CCDC138: variants seen among roughly 807,000 people sequenced by gnomAD.
CCDC138 encodes coiled-coil domain containing 138, also known as coiled-coil domain-containing protein 138.
A neutral mutation model predicts 82.3 loss-of-function variants in CCDC138; 66 were observed. That is an observed-to-expected ratio of 0.80 (90% CI 0.66 to 0.98). The LOEUF (loss-of-function observed/expected upper bound fraction) is 0.98. Ranked by LOEUF, CCDC138 falls within the 50% of genes least tolerant of loss-of-function variation. The pLI, the probability that CCDC138 is intolerant of heterozygous loss-of-function variation, is 0.00. For synonymous variants in CCDC138, 297 were observed against 265.4 expected (o/e 1.12, Z -1.16); for missense variants, 816 against 758.9 (o/e 1.08, Z -0.88).
chr2:108,875,337 G>C (rs73952537), intron 14 of CCDC138, among the ~76,000 whole-genome samples: 92,934 of 132,792 alleles, frequency 0.7, 33,498 homozygotes, highest in Non-Finnish European at 0.82. Context: ...AAAAAAAAAA[G>C]AAACAAATTC....
At position 108,794,664 on chromosome 2, in the gene CCDC138, T is replaced by C. The variant is rs1464127920; in HGVS notation, c.519T>C (p.Leu173=). 7 of 1,614,106 alleles carry C rather than the reference T, an allele frequency of 4.3e-6. No homozygotes were observed. Among genetic ancestry groups the C allele is most frequent in the Non-Finnish European group, 5.9e-6 (7 of 1,180,004 alleles). Residue 173 remains leucine (L), a synonymous_variant, in exon 5 of 15, where the codon CTT becomes CTC. Transcript: ENST00000295124. ...KSKASDKRSL[L]PHQISQIYDE... The stretch of plus-strand genomic sequence containing the variant: ...AAGCATCAGACAAGCGGAGTTTACT[T>C]CCACATCAGATCAGTCAGATATATG...
Position 108,860,062 on chromosome 2 carries a change from TG to T in CCDC138, c.1693+3093del, listed in dbSNP as rs565680595. ...CCTAAGTATCTTGTGTGTGTGTGGC[TG>T]TTGTAAATAGGATTGTGCCCTTGAT... is the stretch of plus-strand genomic sequence containing the variant. On this transcript the variant is annotated intron_variant, in intron 13 of 14. Coordinates refer to ENST00000295124, the MANE Select transcript of CCDC138 (RefSeq NM_144978.3). Among the ~76,000 whole-genome samples the T allele has an allele frequency of 1.2e-4, 19 of 152,252 alleles. 1 individual carries two copies. In the East Asian group the frequency reaches 3.7e-3, roughly 29 times the overall value.
At chr2:108,824,024 A>G (rs1686157400) in intron 10 of CCDC138, among the ~76,000 whole-genome samples, 2 of 152,110 alleles carry the variant, frequency 1.3e-5, no homozygotes, top group South Asian at 4.1e-4. Context: ...AGAGCACTTA[A>G]CCATGAATGG....
Position 108,843,845 on chromosome 2 carries a change from TG to T in CCDC138, c.1324-2892del, listed in dbSNP as rs1177344752. On this transcript the variant is annotated intron_variant, in intron 11 of 14. Coordinates refer to ENST00000295124, the MANE Select transcript of CCDC138 (RefSeq NM_144978.3). ...TCATTATTTCTTCAAGTTCATGTTTTGTGTGTGTGTGTGTGTGTGTGTGTGT... is the reference window on the plus strand; with the variant it reads ...TCATTATTTCTTCAAGTTCATGTTTTTGTGTGTGTGTGTGTGTGTGTGTGT... 2.3e-3 allele frequency among the ~76,000 whole-genome samples: 8 copies of T among 3,440 alleles called. No homozygotes were observed. The Admixed American group carries it at 0.031, about 13-fold the overall frequency. 2.3% of individuals were successfully genotyped at this position (3,440 alleles called of 152,430 possible).
chr2:108,869,688 G>GA (rs1254781529), intron 13 of CCDC138, among the ~76,000 whole-genome samples: 1 of 151,794 alleles, frequency 6.6e-6, no homozygotes, highest in Non-Finnish European at 1.5e-5. Context: ...GAGGAAACAA[G>GA]AAAAAAAGAA....
At chr2:108,860,838 C>A (rs1261763186) in intron 13 of CCDC138, among the ~76,000 whole-genome samples, 3 of 151,082 alleles carry the variant, frequency 2.0e-5, no homozygotes, top group Non-Finnish European at 2.9e-5. Flanking sequence ...GGAGGAGTCC[C>A]TCCTCCTCGA....
chr2:108,865,146 A>T (rs987218213), intron 13 of CCDC138, among the ~76,000 whole-genome samples: 2 of 152,022 alleles, frequency 1.3e-5, no homozygotes, highest in Admixed American at 6.5e-5. Flanking sequence ...TATATATTTT[A>T]TATAGATATA....
chr2:108,847,340 C>T (rs958697385), intron 12 of CCDC138, among the ~76,000 whole-genome samples: 1 of 152,160 alleles, frequency 6.6e-6, no homozygotes. Context: ...TGTATATTGT[C>T]TATGACTCTT....
chr2:108,802,100 T>C (rs1163753929), intron 6 of CCDC138, among the ~76,000 whole-genome samples: 2 of 145,452 alleles, frequency 1.4e-5, no homozygotes, highest in African/African-American at 5.1e-5. Flanking sequence ...TAGGATTGAC[T>C]TGGCGATGCG....
At chr2:108,823,019 A>G (rs1209129362) in intron 10 of CCDC138, among the ~76,000 whole-genome samples, 1 of 152,242 alleles carries the variant, frequency 6.6e-6, no homozygotes, top group African/African-American at 2.4e-5. Flanking sequence ...GTTATCAACA[A>G]TTGCATGCCA....
chr2:108,845,884 A>T (rs1472427675), intron 11 of CCDC138, among the ~76,000 whole-genome samples: 2 of 152,260 alleles, frequency 1.3e-5, no homozygotes, highest in Admixed American at 1.3e-4. Flanking sequence ...TTTTATTCTT[A>T]ATAGATATAT....
chr2:108,792,124 G>C (rs1398635376), intron 4 of CCDC138, among the ~76,000 whole-genome samples: 1 of 152,124 alleles, frequency 6.6e-6, no homozygotes, highest in African/African-American at 2.4e-5. Context: ...GGATTTCTGG[G>C]CACTGAACTG....
intron 13 of CCDC138, among the ~76,000 whole-genome samples, chr2:108,863,535 G>T (rs954972892): frequency 6.6e-6 from 1 of 152,142 alleles, no homozygotes; most frequent in Non-Finnish European, 1.5e-5. Flanking sequence ...GAGCTTTGTT[G>T]GGCATCATCA....
Position 108,837,419 on chromosome 2 carries a change from C to T in CCDC138, c.1207-1766C>T, listed in dbSNP as rs76923664. On this transcript the variant is annotated intron_variant, in intron 10 of 14. Transcript: ENST00000295124. The stretch of plus-strand genomic sequence containing the variant: ...TGGCGTATAATCCCTTTTAATATAC[C>T]GCCATGCACTGTATAATGATGTTTA... 1.0e-2 allele frequency among the ~76,000 whole-genome samples: 1,520 copies of T among 152,112 alleles called. 10 individuals carry two copies. The highest frequency in any genetic ancestry group is 0.034 in the Middle Eastern group (10 of 294).
chr2:108,856,675 T>C (rs1455954098), intron 12 of CCDC138, 119 bp from the exon 13 acceptor site: 2 of 901,194 alleles, frequency 2.2e-6, no homozygotes, highest in African/African-American at 3.4e-5. Context: ...TGATCTCTTA[T>C]TTAATTTTTG....
rs1427721862 is a variant in CCDC138 at position 108,846,752 on chromosome 2, A to G, written c.1338A>G (p.Thr446=). 6.2e-7 allele frequency: 1 copy of G among 1,610,410 alleles called. No individual in the cohort carries two copies. Among genetic ancestry groups the G allele is most frequent in the South Asian group, 1.1e-5 (1 of 90,490 alleles). The change falls in exon 12 of 15, where the codon ACA becomes ACG. Residue 446 remains threonine, a synonymous_variant. Transcript: ENST00000295124. ...ATTTTTAACAGCACTCGACTATGAC[A>G]TCAACATTGAGGAGATTGGGTGAAG... ...LDAGAQHSTM[T]STLRRLGEDI...
chr2:108,882,127 C>G (rs11680027), intron 1 of CCDC138: 1 of 150,016 alleles, frequency 6.7e-6, no homozygotes, highest in African/African-American at 2.5e-5. Flanking sequence ...GCACTCCGGT[C>G]TGGGCAACAG....
chr2:108,884,991 CCA>C (rs1423180319), intron 2 of CCDC138: 3 of 152,162 alleles, frequency 2.0e-5, no homozygotes, highest in Admixed American at 6.5e-5. Flanking sequence ...AAATTTCTTC[CCA>C]AGGAGCTAAT....
At chr2:108,877,102 T>C (rs1486273546), downstream of CCDC138, among the ~76,000 whole-genome samples, 1 of 152,212 alleles carries the variant, frequency 6.6e-6, no homozygotes, top group Non-Finnish European at 1.5e-5. Flanking sequence ...AAATGTGCCA[T>C]TTTTGAAGTA....
Sources: gnomAD v4.1 joint callset for allele counts (sites outside exome capture counted in the v4.1 genomes callset) on GRCh38, gnomAD v4.1.1 for gene constraint, MANE v1.5 for transcripts, NCBI Gene and HGNC (gene_info 2026-07-23, HGNC 2026-07-21) for gene names.